DSCAM: variants seen among roughly 807,000 people sequenced by gnomAD.
The protein encoded by DSCAM is DS cell adhesion molecule, also known as cell adhesion molecule DSCAM.
Under a neutral mutation model 217.7 loss-of-function variants are expected in DSCAM, and 47 were observed. That is an observed-to-expected ratio of 0.22 (90% CI 0.17 to 0.28). The LOEUF is 0.28. Among genes scored for constraint, DSCAM ranks in the 10% least tolerant of loss-of-function variants. DSCAM has a pLI of 1.00. For missense variants in DSCAM, 2,080 were observed against 2,618.3 expected (o/e 0.79, Z 4.49); for synonymous variants, 1,056 against 1,015.3 (o/e 1.04, Z -0.76).
chr21:40,236,586 G>A lies in DSCAM; in HGVS notation c.2356+39511C>T, dbSNP rs2073082372. On this transcript the variant is annotated intron_variant, in intron 11 of 32. Coordinates refer to ENST00000400454, the MANE Select transcript of DSCAM (RefSeq NM_001389.5). ...ACATGACGGGTTTTGAGTGACACCA[G>A]GGGTCAGGCTGCCCAGACTCACAAC... 1.3e-5 allele frequency among the ~76,000 whole-genome samples: 2 copies of A among 152,172 alleles called. 1 individual carries two copies. Among genetic ancestry groups the A allele is most frequent in the Non-Finnish European group, 2.9e-5 (2 of 68,038 alleles).
At chr21:40,062,765 T>C in intron 28 of DSCAM, 104 bp downstream of exon 28, 1 of 1,059,576 alleles carries the variant, frequency 9.4e-7, no homozygotes, top group Non-Finnish European at 1.3e-6. Flanking sequence ...AGAAAAGACA[T>C]TATCAATTTC....
chr21:40,367,031 T>A (rs1211443745), intron 4 of DSCAM, among the ~76,000 whole-genome samples: 3 of 152,122 alleles, frequency 2.0e-5, no homozygotes, highest in African/African-American at 7.2e-5. Flanking sequence ...TGAGAGTGAG[T>A]CTCTGTTCTT....
At chr21:40,688,194 T>C (rs372839637) in intron 3 of DSCAM, among the ~76,000 whole-genome samples, 15 of 152,274 alleles carry the variant, frequency 9.9e-5, no homozygotes, top group African/African-American at 3.6e-4. Flanking sequence ...GTTTGCTTTT[T>C]CCATTTTCCA....
intron 32 of DSCAM, among the ~76,000 whole-genome samples, chr21:40,038,741 A>T (rs1321104658): frequency 6.9e-6 from 1 of 144,638 alleles, no homozygotes. Flanking sequence ...GGCATTATTC[A>T]CAATAGCAAA....
chr21:40,315,398 C>T (rs978111824), intron 8 of DSCAM, among the ~76,000 whole-genome samples: 8 of 147,672 alleles, frequency 5.4e-5, no homozygotes, highest in African/African-American at 7.6e-5. Flanking sequence ...AGCGAAACTC[C>T]GTCTCAAAAA....
At chr21:40,652,355 A>C (rs867863558) in intron 3 of DSCAM, among the ~76,000 whole-genome samples, 187 of 152,264 alleles carry the variant, frequency 1.2e-3, no homozygotes, top group South Asian at 3.9e-3. Context: ...AACAAAAAAA[A>C]AAAAAAACAA....
intron 30 of DSCAM, among the ~76,000 whole-genome samples, chr21:40,047,946 T>C (rs2088868852): frequency 6.6e-6 from 1 of 152,216 alleles, no homozygotes; most frequent in Non-Finnish European, 1.5e-5. Flanking sequence ...TGTGCGTACA[T>C]GTGAAGTCTA....
intron 1 of DSCAM, among the ~76,000 whole-genome samples, chr21:40,730,880 T>C (rs931696663): frequency 5.3e-5 from 8 of 152,226 alleles, no homozygotes; most frequent in Admixed American, 1.3e-4. Flanking sequence ...CAAAATATTA[T>C]GGAATGATCC....
chr21:40,812,633 C>T (rs1308932686), intron 1 of DSCAM, among the ~76,000 whole-genome samples: 1 of 152,140 alleles, frequency 6.6e-6, no homozygotes, highest in Admixed American at 6.5e-5. Flanking sequence ...CTTGAGAGTT[C>T]GAAGTGGATA....
rs144288696 is a variant in DSCAM at position 40,675,073 on chromosome 21, C to T, written c.508+17737G>A. On this transcript the variant is annotated intron_variant, in intron 3 of 32. Transcript: ENST00000400454. ...TACACACGATGCATGTTCATTAAAA[C>T]GAATAATCCCAGCTGCTTCTGCTGT... Among the ~76,000 whole-genome samples, 349 of 152,130 alleles carry T rather than the reference C, an allele frequency of 2.3e-3. 2 individuals are homozygous for T. Among genetic ancestry groups the T allele is most frequent in the Middle Eastern group, 6.8e-3 (2 of 294 alleles).
intron 3 of DSCAM, among the ~76,000 whole-genome samples, chr21:40,591,877 T>G (rs1389478467): frequency 6.6e-6 from 1 of 152,198 alleles, no homozygotes; most frequent in African/African-American, 2.4e-5. Flanking sequence ...ATTTTACAAA[T>G]GAAGGAATTA....
intron 11 of DSCAM, among the ~76,000 whole-genome samples, chr21:40,272,128 T>C (rs2073626182): frequency 6.6e-6 from 1 of 151,806 alleles, no homozygotes; most frequent in Non-Finnish European, 1.5e-5. Context: ...CAGTTCCTGG[T>C]TGGGGGAAGG....
chr21:40,536,096 G>T (rs79600885), intron 3 of DSCAM, among the ~76,000 whole-genome samples: 3 of 152,162 alleles, frequency 2.0e-5, no homozygotes, highest in African/African-American at 7.2e-5. Context: ...TTTAATAAAC[G>T]TAAGTGTCCA....
intron 3 of DSCAM, among the ~76,000 whole-genome samples, chr21:40,433,820 T>G (rs1265905068): frequency 6.6e-6 from 1 of 152,150 alleles, no homozygotes; most frequent in African/African-American, 2.4e-5. Context: ...CCTGAGGTGA[T>G]GACATCATCT....
intron 11 of DSCAM, among the ~76,000 whole-genome samples, chr21:40,200,751 A>T (rs1360159680): frequency 1.3e-5 from 2 of 152,132 alleles, no homozygotes; most frequent in Non-Finnish European, 2.9e-5. Flanking sequence ...CCGTTTCCTC[A>T]TCTGTAAGAA....
chr21:40,543,338 T>C (rs2076556433), intron 3 of DSCAM, among the ~76,000 whole-genome samples: 1 of 152,204 alleles, frequency 6.6e-6, no homozygotes, highest in Non-Finnish European at 1.5e-5. Context: ...AATGTTATGA[T>C]GGCCACTGGG....
chr21:40,159,605 C>T (rs571729568), intron 16 of DSCAM, among the ~76,000 whole-genome samples: 25 of 152,234 alleles, frequency 1.6e-4, no homozygotes, highest in East Asian at 3.9e-4. Flanking sequence ...ATTTTTGAGA[C>T]GAGTCTTGCT....
rs1420672249 is a variant in DSCAM at position 40,011,779 on chromosome 21, C to CAAT, written c.*1252_*1254dup. On this transcript the variant is annotated 3_prime_UTR_variant, in exon 33 of 33. Coordinates refer to ENST00000400454, the MANE Select transcript of DSCAM (RefSeq NM_001389.5). The stretch of plus-strand genomic sequence containing the variant: ...TTCCTCTGGTTACAGAGGATTCAGG[C>CAAT]AATGTTTATTAAGATGGTCTATCAC... The CAAT allele has an allele frequency of 6.6e-6, 1 of 152,114 alleles. No individual in the cohort carries two copies. Among genetic ancestry groups the CAAT allele is most frequent in the Non-Finnish European group, 1.5e-5 (1 of 68,028 alleles). The allele number at this position is 152,114 out of a possible 1,614,324, so 9.4% of individuals were successfully genotyped here.
intron 3 of DSCAM, among the ~76,000 whole-genome samples, chr21:40,516,969 T>C (rs1169211943): frequency 6.8e-6 from 1 of 147,748 alleles, no homozygotes; most frequent in South Asian, 2.1e-4. Flanking sequence ...TCTGTAAATA[T>C]ACATATATTA....
Sources: gnomAD v4.1 joint callset for allele counts (sites outside exome capture counted in the v4.1 genomes callset) on GRCh38, gnomAD v4.1.1 for gene constraint, MANE v1.5 for transcripts, NCBI Gene and HGNC (gene_info 2026-07-23, HGNC 2026-07-21) for gene names.